Variants in KIF26B observed in about 807,000 individuals in gnomAD.
KIF26B encodes kinesin family member 26B.
A neutral mutation model predicts 151.2 loss-of-function variants in KIF26B; 63 were observed. The ratio of observed to expected loss-of-function variants is 0.42; its 90% CI spans 0.34 to 0.51. The LOEUF (loss-of-function observed/expected upper bound fraction) is 0.51. KIF26B is among the 20% of genes least tolerant of loss of function. KIF26B has a pLI of 0.07. For synonymous variants in KIF26B, 1,357 were observed against 1,262.1 expected (o/e 1.08, Z -1.59); for missense variants, 2,813 against 2,913.6 (o/e 0.97, Z 0.79).
At chr1:245,332,602 A>C (rs1672134950) in intron 2 of KIF26B, among the ~76,000 whole-genome samples, 1 of 150,222 alleles carries the variant, frequency 6.7e-6, no homozygotes, top group African/African-American at 2.5e-5. Context: ...ACTTACTCCC[A>C]CCCCCACTGC....
intron 4 of KIF26B, among the ~76,000 whole-genome samples, chr1:245,478,430 ATT>A: frequency 7.8e-6 from 1 of 128,598 alleles, no homozygotes; most frequent in South Asian, 2.6e-4. Flanking sequence ...TCTGACTCGC[ATT>A]TTTTTTTTTT....
rs1041351384 is a variant in KIF26B, at chr1:245,358,948, A to G, written c.466-7886A>G. Among the ~76,000 whole-genome samples, 4 of 152,202 alleles carry G rather than the reference A, an allele frequency of 2.6e-5. No individual in the cohort carries two copies. The highest frequency in any genetic ancestry group is 5.9e-5 in the Non-Finnish European group (4 of 68,042). On this transcript the variant is annotated intron_variant, in intron 2 of 14. Coordinates refer to ENST00000407071, the MANE Select transcript of KIF26B (RefSeq NM_018012.4). This position sits in a 1 kb window ranked among gnomAD's most constrained non-coding sequence, Gnocchi z 4.1. ...ATTTGTGAAGGGATCCTATTTCCCA[A>G]CAGCCAAGGGATATACTGGAGAACA...
intron 2 of KIF26B, among the ~76,000 whole-genome samples, chr1:245,302,622 A>G (rs1671444439): frequency 1.3e-5 from 2 of 152,194 alleles, no homozygotes; most frequent in Non-Finnish European, 1.5e-5. Context: ...AAGCAGTAAG[A>G]AACATCGAGG....
rs2044866359 is a variant in KIF26B, at chr1:245,708,271, G to A, written c.*5665G>A. 6.6e-6 allele frequency: 1 copy of A among 152,244 alleles called. No homozygotes were observed. The highest frequency in any genetic ancestry group is 6.5e-5 in the Admixed American group (1 of 15,290). 9.4% of individuals were successfully genotyped at this position (152,244 alleles called of 1,614,324 possible). On this transcript the variant is annotated 3_prime_UTR_variant, in exon 15 of 15. Coordinates refer to ENST00000407071, the MANE Select transcript of KIF26B (RefSeq NM_018012.4). ...TATAAGTGATGGGAAGTGCTTTGAA[G>A]AAATTAAAGGTCTGTCTAGGAGCTG... is the stretch of plus-strand genomic sequence containing the variant.
intron 5 of KIF26B, among the ~76,000 whole-genome samples, chr1:245,588,031 T>G (rs1382473934): frequency 6.6e-6 from 1 of 152,154 alleles, no homozygotes; most frequent in Non-Finnish European, 1.5e-5. Flanking sequence ...TGCCTTTCAT[T>G]AAAGGTTTCC....
At chr1:245,619,039 G>A (rs918691541) in intron 9 of KIF26B, among the ~76,000 whole-genome samples, 37 of 142,858 alleles carry the variant, frequency 2.6e-4, no homozygotes, top group African/African-American at 1.0e-3. Context: ...CAGTGCTGGG[G>A]CTGTGTCCAC....
intron 10 of KIF26B, among the ~76,000 whole-genome samples, chr1:245,654,749 A>C (rs2044055575): frequency 6.6e-6 from 1 of 152,188 alleles, no homozygotes; most frequent in Non-Finnish European, 1.5e-5. Context: ...ACTTGATAAG[A>C]CAGCTTCCAT....
chr1:245,157,742 T>C (rs1668470131), intron 2 of KIF26B, among the ~76,000 whole-genome samples: 1 of 152,232 alleles, frequency 6.6e-6, no homozygotes, highest in Non-Finnish European at 1.5e-5. Flanking sequence ...TGGTTGTCAG[T>C]GTACCGTTTT....
Position 245,684,284 on chromosome 1 carries a change from C to A in KIF26B, c.2310C>A (p.Cys770Ter). The A allele has an allele frequency of 6.2e-7, 1 of 1,613,940 alleles. No individual in the cohort carries two copies. Among genetic ancestry groups the A allele is most frequent in the Non-Finnish European group, 8.5e-7 (1 of 1,179,858 alleles). ...LLRESLGNMN[C>*]RTTMIAHISA... ...GGGAGTCTCTGGGGAACATGAACTG[C>A]CGTACCACCATGATCGCGCACATCT... Residue 770 changes from cysteine to a stop codon, truncating the protein, a stop_gained, in exon 11 of 15, where the codon TGC (cysteine) becomes TGA (stop). Transcript: ENST00000407071. LOFTEE classifies it high-confidence loss of function.
At chr1:245,655,844 G>A (rs1057371904) in intron 10 of KIF26B, among the ~76,000 whole-genome samples, 1 of 152,236 alleles carries the variant, frequency 6.6e-6, no homozygotes, top group Non-Finnish European at 1.5e-5. Flanking sequence ...TTCAGAGATT[G>A]TCAAGGCCAA....
At chr1:245,693,653 A>G (rs1225841694) in intron 12 of KIF26B, among the ~76,000 whole-genome samples, 7 of 152,122 alleles carry the variant, frequency 4.6e-5, no homozygotes, top group Non-Finnish European at 1.0e-4. Context: ...CCTGTAGTGA[A>G]TTGAGCTCCC....
intron 5 of KIF26B, among the ~76,000 whole-genome samples, chr1:245,598,513 A>G (rs1459902309): frequency 6.6e-6 from 1 of 152,190 alleles, no homozygotes; most frequent in Non-Finnish European, 1.5e-5. Context: ...GTGACGAGGG[A>G]AAAACAGGAA....
intron 2 of KIF26B, among the ~76,000 whole-genome samples, chr1:245,215,393 A>G (rs1466940674): frequency 6.6e-6 from 1 of 152,154 alleles, no homozygotes; most frequent in Admixed American, 6.5e-5. Flanking sequence ...CGAGAAGGAC[A>G]GAGCTGCCTG....
intron 5 of KIF26B, among the ~76,000 whole-genome samples, chr1:245,594,274 T>G (rs2043319003): frequency 6.6e-6 from 1 of 152,198 alleles, no homozygotes; most frequent in South Asian, 2.1e-4. Context: ...TTGCCTAGAT[T>G]TTTGTCTAGG....
intron 2 of KIF26B, among the ~76,000 whole-genome samples, chr1:245,249,559 C>T (rs1670404487): frequency 6.8e-6 from 1 of 146,406 alleles, no homozygotes; most frequent in Admixed American, 7.1e-5. Flanking sequence ...ATGATCTTGG[C>T]TCACTGCAAC....
intron 4 of KIF26B, among the ~76,000 whole-genome samples, chr1:245,483,650 G>A (rs1002508510): frequency 6.6e-6 from 1 of 151,948 alleles, no homozygotes; most frequent in Non-Finnish European, 1.5e-5. Context: ...GCAGTTGAAT[G>A]CACACGTATG....
intron 2 of KIF26B, among the ~76,000 whole-genome samples, chr1:245,303,364 A>C: frequency 6.6e-6 from 1 of 150,382 alleles, no homozygotes; most frequent in Non-Finnish European, 1.5e-5. Flanking sequence ...ACGCCCGGCT[A>C]ATTTTTTGTA....
chr1:245,560,184 C>A lies in KIF26B; in HGVS notation c.1350+19234C>A, dbSNP rs1196916991. ...TGAAAGGGGCTGTATCTTACTTGCC[C>A]CTTTTTGCATTTATTCATGTGGATA... On this transcript the variant is annotated intron_variant, in intron 5 of 14. Transcript: ENST00000407071. This position sits in a 1 kb window ranked among gnomAD's most constrained non-coding sequence, Gnocchi z 4.3. 1.3e-5 allele frequency among the ~76,000 whole-genome samples: 2 copies of A among 152,246 alleles called. No homozygotes were observed. The highest frequency in any genetic ancestry group is 4.1e-4 in the South Asian group (2 of 4,824).
In KIF26B at chr1:245,367,459, A is replaced by C; in HGVS notation, c.999+92A>C. 2 of 1,185,978 alleles carry C rather than the reference A, an allele frequency of 1.7e-6. No homozygotes were observed. 73.5% of individuals were successfully genotyped at this position (1,185,978 alleles called of 1,614,324 possible). A position where few individuals can be genotyped will look rare whatever the true frequency, so the allele number is the denominator to read the frequency against. On this transcript the variant is annotated intron_variant, in intron 3 of 14. Transcript: ENST00000407071. The surrounding 1 kb of genome is among the most constrained non-coding windows in gnomAD (Gnocchi z 4.2). ...CTTCCTTCCGCTGCCTCCTCCCGGG[A>C]ACCCTGTAACTCAGAGCCCAGTGTT...
Sources: allele counts gnomAD v4.1 joint callset (sites outside exome capture counted in the v4.1 genomes callset), GRCh38; gene constraint gnomAD v4.1.1; non-coding constraint Gnocchi (gnomAD v3.1); transcripts MANE v1.5; gene names NCBI Gene and HGNC (gene_info 2026-07-23, HGNC 2026-07-21).